The following NEK10 variants were observed in gnomAD, a reference collection of about 807,000 sequenced individuals.
The protein encoded by NEK10 is serine/threonine-protein kinase Nek10.
Under a neutral mutation model 159.8 loss-of-function variants are expected in NEK10, and 122 were observed. That is an observed-to-expected ratio of 0.76 (90% CI 0.66 to 0.89). The LOEUF (loss-of-function observed/expected upper bound fraction) is 0.89. Among genes scored for constraint, NEK10 ranks in the 40% least tolerant of loss-of-function variants. NEK10 has a pLI of 0.00. For missense variants in NEK10, 1,342 were observed against 1,323.1 expected (o/e 1.01, Z -0.22); for synonymous variants, 466 against 457.1 (o/e 1.02, Z -0.25).
At chr3:27,204,945 A>G (rs1170128148) in intron 23 of NEK10, among the ~76,000 whole-genome samples, 1 of 141,896 alleles carries the variant, frequency 7.0e-6, no homozygotes, top group Non-Finnish European at 1.5e-5. Context: ...AAGTGTTCCT[A>G]TTTCTCCACA....
At chr3:27,314,538 T>C (rs1357317790) in intron 6 of NEK10, among the ~76,000 whole-genome samples, 200 bp from the exon 7 acceptor site, 1 of 152,168 alleles carries the variant, frequency 6.6e-6, no homozygotes, top group Non-Finnish European at 1.5e-5. Context: ...GAAAGTTGGG[T>C]TGAGATCAAG....
chr3:27,290,713 C>G lies in NEK10; in HGVS notation c.1647G>C (p.Glu549Asp), dbSNP rs1183022612. Residue 549 changes from glutamate (E) to aspartate (D), a missense_variant, in exon 19 of 36, where the codon GAG (glutamate) becomes GAC (aspartate). Glu to Asp is a conservative substitution (Grantham distance 45). Coordinates refer to ENST00000691995, the MANE Select transcript of NEK10 (RefSeq NM_001394966.1). The stretch of plus-strand genomic sequence containing the variant: ...CAAATGCTGGGTTATGTAAATTGAC[C>G]TCTTTCATTGCTAAAAGATTTTGAC... ...HSGQNLLAMK[E>D]VNLHNPAFGK... The G allele has an allele frequency of 1.9e-6, 3 of 1,608,368 alleles. No homozygotes were observed. The highest frequency in any genetic ancestry group is 2.6e-6 in the Non-Finnish European group (3 of 1,176,038).
At chr3:27,234,796 C>T (rs1308200615) in intron 23 of NEK10, among the ~76,000 whole-genome samples, 1 of 151,882 alleles carries the variant, frequency 6.6e-6, no homozygotes, top group African/African-American at 2.4e-5. Context: ...AAAAAGTGCC[C>T]AACTAGCCAA....
intron 30 of NEK10, chr3:27,143,372 C>G: frequency 1.5e-6 from 1 of 653,324 alleles, no homozygotes; most frequent in South Asian, 1.8e-5. Context: ...GAGTTAAAAT[C>G]TCACAACATG....
chr3:27,256,918 T>C (rs868586576), intron 22 of NEK10, among the ~76,000 whole-genome samples: 4 of 146,570 alleles, frequency 2.7e-5, no homozygotes, highest in African/African-American at 7.5e-5. Flanking sequence ...CTCTCTTTTT[T>C]TTTTTTTTTT....
chr3:27,117,225 C>T (rs1449474157), intron 33 of NEK10, among the ~76,000 whole-genome samples: 1 of 152,144 alleles, frequency 6.6e-6, no homozygotes, highest in Admixed American at 6.5e-5. Context: ...TCCAGTCTAT[C>T]ATTGATGGGC....
intron 25 of NEK10, among the ~76,000 whole-genome samples, chr3:27,193,551 T>C (rs1395144766): frequency 6.6e-6 from 1 of 150,522 alleles, no homozygotes; most frequent in African/African-American, 2.4e-5. Flanking sequence ...AAATAGCACC[T>C]GTCTCTCCTA....
intron 23 of NEK10, chr3:27,252,762 G>A: frequency 2.6e-6 from 1 of 387,788 alleles, no homozygotes; most frequent in Non-Finnish European, 5.1e-6. Context: ...AGCTGCATGT[G>A]CAAAGGCCCT....
intron 22 of NEK10, among the ~76,000 whole-genome samples, chr3:27,271,798 G>A (rs2041381132): frequency 6.6e-6 from 1 of 152,050 alleles, no homozygotes; most frequent in Non-Finnish European, 1.5e-5. Flanking sequence ...GCATTCATGT[G>A]CCATTACAGG....
At chr3:27,151,077 T>G (rs1944812376) in intron 30 of NEK10, among the ~76,000 whole-genome samples, 1 of 151,960 alleles carries the variant, frequency 6.6e-6, no homozygotes, top group Non-Finnish European at 1.5e-5. Context: ...CCCACCCTGG[T>G]AGCGGAAGAC....
chr3:27,360,157 T>C (rs956017045), intron 1 of NEK10, among the ~76,000 whole-genome samples: 5 of 152,214 alleles, frequency 3.3e-5, no homozygotes, highest in Admixed American at 1.3e-4. Flanking sequence ...TATTACATTG[T>C]TATTGTTCTT....
At chr3:27,294,470 A>G (rs1370413809) in intron 15 of NEK10, among the ~76,000 whole-genome samples, 1 of 152,228 alleles carries the variant, frequency 6.6e-6, no homozygotes, top group African/African-American at 2.4e-5. Context: ...GAGCATGCAT[A>G]TTCCTCAAAA....
intron 31 of NEK10, among the ~76,000 whole-genome samples, chr3:27,133,325 G>A (rs9874914): frequency 0.12 from 18,557 of 152,200 alleles, 1,339 homozygotes; most frequent in Non-Finnish European, 0.17. Context: ...TAATGGCAGA[G>A]CAAAGAATAG....
intron 25 of NEK10, among the ~76,000 whole-genome samples, chr3:27,196,821 C>G (rs1394046502): frequency 1.3e-5 from 2 of 152,132 alleles, no homozygotes; most frequent in Admixed American, 6.5e-5. Flanking sequence ...TCTGACGACT[C>G]TGTCAATTTT....
chr3:27,229,260 G>C lies in NEK10; in HGVS notation c.2091-26703C>G, dbSNP rs1200747568. Reference sequence around the variant, plus strand: ...AGTCTACAACTTAGGAACTCATACAGAGTCTTTACCCCTAACAGTACAAAG... The same window carrying C: ...AGTCTACAACTTAGGAACTCATACACAGTCTTTACCCCTAACAGTACAAAG... On this transcript the variant is annotated intron_variant, in intron 23 of 35. Transcript: ENST00000691995. 4.6e-5 allele frequency among the ~76,000 whole-genome samples: 7 copies of C among 152,286 alleles called. No homozygotes were observed. The East Asian group carries it at 1.4e-3, about 29-fold the overall frequency.
Position 27,308,024 on chromosome 3 carries a change from T to C in NEK10, c.717-79A>G, listed in dbSNP as rs117272657. 3.6e-4 allele frequency: 264 copies of C among 729,062 alleles called. No individual in the cohort carries two copies. The East Asian group carries it at 6.6e-3, about 18-fold the overall frequency. 45.2% of individuals were successfully genotyped at this position (729,062 alleles called of 1,614,324 possible). On this transcript the variant is annotated intron_variant, in intron 10 of 35. Transcript: ENST00000691995. ...GTATTAGTCCTTTTTCAAACTGGTA[T>C]AAAGAACTGCCTGAGACTGGGTGAT...
At chr3:27,290,791 C>A in intron 18 of NEK10, 37 bp from the exon 19 acceptor site, 1 of 1,521,162 alleles carries the variant, frequency 6.6e-7, no homozygotes, top group Non-Finnish European at 9.0e-7. Context: ...ACAAAAGGAA[C>A]AGGGTAAAGA....
chr3:27,348,446 AC>A (rs1429149199), intron 3 of NEK10, among the ~76,000 whole-genome samples: 1 of 152,196 alleles, frequency 6.6e-6, no homozygotes, highest in Non-Finnish European at 1.5e-5. Flanking sequence ...AAGACCAGGA[AC>A]CTAATAGTAG....
intron 10 of NEK10, 47 bp from the exon 11 acceptor site, chr3:27,307,992 G>C (rs1268776467): frequency 1.1e-6 from 1 of 918,858 alleles, no homozygotes; most frequent in East Asian, 2.4e-5. Context: ...TATTTTGCTA[G>C]ATCCATGTAT....
Sources: gnomAD v4.1 joint callset for allele counts (sites outside exome capture counted in the v4.1 genomes callset) on GRCh38, gnomAD v4.1.1 for gene constraint, MANE v1.5 for transcripts, NCBI Gene and HGNC (gene_info 2026-07-23, HGNC 2026-07-21) for gene names.